The following FMN2 variants were observed in gnomAD, a reference collection of about 807,000 sequenced individuals.
The protein encoded by FMN2 is formin 2.
In FMN2, 51 loss-of-function variants were observed where a neutral mutation model predicts 142.3. That is an observed-to-expected ratio of 0.36 (90% CI 0.29 to 0.45). The LOEUF (loss-of-function observed/expected upper bound fraction) is 0.45. Among genes scored for constraint, FMN2 ranks in the 20% least tolerant of loss-of-function variants. The pLI is 1.00. For missense variants in FMN2, 1,936 were observed against 2,122.8 expected, an observed-to-expected ratio of 0.91 and a Z score of 1.73; for synonymous variants, 882 against 869.8, an observed-to-expected ratio of 1.01 and a Z score of -0.25.
intron 15 of FMN2, among the ~76,000 whole-genome samples, chr1:240,418,278 C>T (rs1674650033): frequency 6.6e-6 from 1 of 151,170 alleles, no homozygotes; most frequent in African/African-American, 2.4e-5. Context: ...CAGCTCACTG[C>T]AACCTCCACC....
At chr1:240,365,797 T>A (rs1285436683) in intron 14 of FMN2, among the ~76,000 whole-genome samples, 4 of 152,222 alleles carry the variant, frequency 2.6e-5, no homozygotes, top group Non-Finnish European at 5.9e-5. Flanking sequence ...CATTCATTAA[T>A]GTTGAACTCA....
intron 15 of FMN2, among the ~76,000 whole-genome samples, chr1:240,394,844 T>C (rs1178283653): frequency 6.6e-6 from 1 of 152,034 alleles, no homozygotes; most frequent in Non-Finnish European, 1.5e-5. Context: ...GGTGCATGCC[T>C]GTAATGCCAG....
chr1:240,461,966 T>A (rs559123480), intron 16 of FMN2, among the ~76,000 whole-genome samples: 4 of 152,336 alleles, frequency 2.6e-5, no homozygotes, highest in South Asian at 2.1e-4. Context: ...CAGCTTTCCC[T>A]GTTCTCAGAT....
chr1:240,358,220 A>G (rs1168389885), intron 14 of FMN2, among the ~76,000 whole-genome samples: 2 of 152,212 alleles, frequency 1.3e-5, no homozygotes, highest in Non-Finnish European at 2.9e-5. Flanking sequence ...TACAGCAGTG[A>G]ATAAGAAAAT....
At chr1:240,196,775 A>G (rs943382324) in intron 4 of FMN2, among the ~76,000 whole-genome samples, 2 of 152,174 alleles carry the variant, frequency 1.3e-5, no homozygotes, top group Non-Finnish European at 2.9e-5. Context: ...GACCTCCCAA[A>G]TAATCTGTGT....
chr1:240,234,849 TA>T (rs996863361), intron 6 of FMN2, among the ~76,000 whole-genome samples: 3 of 152,212 alleles, frequency 2.0e-5, no homozygotes, highest in Non-Finnish European at 4.4e-5. Context: ...TATATAAAAA[TA>T]TTTTTTTCAT....
chr1:240,415,997 C>T (rs1205781079), intron 15 of FMN2, among the ~76,000 whole-genome samples: 1 of 152,070 alleles, frequency 6.6e-6, no homozygotes, highest in Non-Finnish European at 1.5e-5. Flanking sequence ...TTTTCCTGCC[C>T]AGCCCTAAAT....
chr1:240,269,369 T>C (rs183595070), intron 7 of FMN2, among the ~76,000 whole-genome samples: 15 of 152,204 alleles, frequency 9.9e-5, no homozygotes, highest in African/African-American at 3.6e-4. Context: ...GCTGGGTTTA[T>C]TTCTGGACAC....
At chr1:240,334,260 G>A (rs1671487258) in intron 13 of FMN2, 31 bp downstream of exon 13, 1 of 1,549,762 alleles carries the variant, frequency 6.5e-7, no homozygotes, top group African/African-American at 1.4e-5. Context: ...CATGTTTTCT[G>A]TTTATGCTTT....
At chr1:240,143,862 C>A in intron 2 of FMN2, 4 of 1,585,946 alleles carry the variant, frequency 2.5e-6, no homozygotes, top group Non-Finnish European at 3.5e-6. Flanking sequence ...TTTGAATCTC[C>A]CATCACAGGC....
intron 16 of FMN2, among the ~76,000 whole-genome samples, chr1:240,454,949 A>G (rs1572333424): frequency 6.6e-6 from 1 of 152,216 alleles, no homozygotes; most frequent in Non-Finnish European, 1.5e-5. Flanking sequence ...CAACCATTCA[A>G]GAAAGAATAC....
chr1:240,138,281 G>A (rs1663037090), intron 2 of FMN2, among the ~76,000 whole-genome samples: 1 of 151,860 alleles, frequency 6.6e-6, no homozygotes, highest in Admixed American at 6.6e-5. Flanking sequence ...GGGACTGAGG[G>A]GTGTGCTGTG....
chr1:240,333,610 A>T (rs562177420), intron 11 of FMN2, among the ~76,000 whole-genome samples: 1 of 152,162 alleles, frequency 6.6e-6, no homozygotes, highest in Non-Finnish European at 1.5e-5. Flanking sequence ...GACATGAGCT[A>T]AATTTCTAAT....
chr1:240,139,748 G>T (rs2103249758), intron 2 of FMN2, among the ~76,000 whole-genome samples: 1 of 152,308 alleles, frequency 6.6e-6, no homozygotes, highest in East Asian at 1.9e-4. Flanking sequence ...GAGGGGTGTA[G>T]GGTGTGGTGG....
chr1:240,334,092 G>T lies in FMN2; in HGVS notation c.4645-17G>T. 6.3e-7 allele frequency: 1 copy of T among 1,579,478 alleles called. No homozygotes were observed. Among genetic ancestry groups the T allele is most frequent in the Non-Finnish European group, 8.5e-7 (1 of 1,170,006 alleles). On this transcript the variant is annotated splice_polypyrimidine_tract_variant and intron_variant, in intron 12 of 17. Coordinates refer to ENST00000319653, the MANE Select transcript of FMN2 (RefSeq NM_020066.5). The stretch of plus-strand genomic sequence containing the variant: ...TAACCAATTTCTTTAAATATGATGG[G>T]GTTTTTTGTTCATTAGGATGCTGGA...
chr1:240,442,273 A>T (rs1236774554), intron 16 of FMN2, among the ~76,000 whole-genome samples: 2 of 152,268 alleles, frequency 1.3e-5, no homozygotes, highest in East Asian at 3.9e-4. Context: ...ACCCAGGAGG[A>T]CAGAGCAGTT....
At chr1:240,344,052 C>A (rs760770624) in intron 13 of FMN2, among the ~76,000 whole-genome samples, 1 of 152,182 alleles carries the variant, frequency 6.6e-6, no homozygotes, top group Admixed American at 6.5e-5. Context: ...AAGGAATTTT[C>A]ATTTTACTCT....
At chr1:240,389,758 C>T (rs1673541911) in intron 14 of FMN2, among the ~76,000 whole-genome samples, 1 of 151,982 alleles carries the variant, frequency 6.6e-6, no homozygotes, top group Non-Finnish European at 1.5e-5. Flanking sequence ...CTGAGACCAC[C>T]CTGGGCAACA....
chr1:240,346,142 C>T (rs1671901301), intron 13 of FMN2, among the ~76,000 whole-genome samples: 1 of 152,088 alleles, frequency 6.6e-6, no homozygotes, highest in Non-Finnish European at 1.5e-5. Flanking sequence ...CTCCCCTTAT[C>T]TGTGGGGAGT....
Sources: gnomAD v4.1 joint callset for allele counts (sites outside exome capture counted in the v4.1 genomes callset) on GRCh38, gnomAD v4.1.1 for gene constraint, MANE v1.5 for transcripts, NCBI Gene and HGNC (gene_info 2026-07-23, HGNC 2026-07-21) for gene names.